Variants in TTL observed in about 807,000 individuals in gnomAD.
TTL encodes tubulin--tyrosine ligase.
TTL carries 10 observed loss-of-function variants against 41.1 expected under a neutral mutation model. The observed-to-expected ratio is 0.24, with a 90% CI of 0.15 to 0.41. The LOEUF is 0.41. TTL is among the 10% of genes least tolerant of loss of function. The probability of loss-of-function intolerance (pLI) is 1.00; values close to 1 mark genes in which losing one functional copy is unlikely to be tolerated. For synonymous variants in TTL, 175 were observed against 175.5 expected (o/e 1.00, Z 0.02); for missense variants, 367 against 460.4 (o/e 0.80, Z 1.86).
chr2:112,493,115 AT>A (rs1681434600), intron 2 of TTL, among the ~76,000 whole-genome samples: 1 of 152,152 alleles, frequency 6.6e-6, no homozygotes. Context: ...TTTAAAATAA[AT>A]TTGTTTTTAA....
At chr2:112,496,665 CTGTGTG>C (rs10635241) in intron 3 of TTL, among the ~76,000 whole-genome samples, 6,728 of 106,090 alleles carry the variant, frequency 0.063, 290 homozygotes, top group East Asian at 0.22. Context: ...ATATATGTGT[CTGTGTG>C]TGTGTGTGTG....
rs1489159340 is a variant in TTL, at chr2:112,528,819, G to T, written c.*24G>T. 1 of 1,571,942 alleles carries T rather than the reference G, an allele frequency of 6.4e-7. No individual in the cohort carries two copies. Among genetic ancestry groups the T allele is most frequent in the Non-Finnish European group, 8.8e-7 (1 of 1,141,692 alleles). ...GACAGAGGGCACTCCCTGCTGCCTT[G>T]GAAAAAGCACGGGGTCCTGCTCCAG... is the stretch of plus-strand genomic sequence containing the variant. On this transcript the variant is annotated 3_prime_UTR_variant, in exon 7 of 7. Transcript: ENST00000233336.
At chr2:112,524,235 A>T (rs1337452923) in intron 6 of TTL, among the ~76,000 whole-genome samples, 2 of 152,248 alleles carry the variant, frequency 1.3e-5, no homozygotes, top group Non-Finnish European at 2.9e-5. Flanking sequence ...TGCTATTGTG[A>T]ATAGTGCTAC....
Position 112,540,078 on chromosome 2 carries a change from T to C in TTL, c.*11283T>C, listed in dbSNP as rs1682682799. ...GAGATAATTATTGTTAGGATGAAAA[T>C]AGGCCCCAAATTGATCTACCAATTG... On this transcript the variant is annotated 3_prime_UTR_variant, in exon 7 of 7. Transcript: ENST00000233336. The C allele has an allele frequency of 6.6e-6, 1 of 152,076 alleles. No individual in the cohort carries two copies. The highest frequency in any genetic ancestry group is 2.4e-5 in the African/African-American group (1 of 41,396). 9.4% of individuals were successfully genotyped at this position (152,076 alleles called of 1,614,324 possible).
At chr2:112,491,757 G>A (rs1249424975) in intron 2 of TTL, among the ~76,000 whole-genome samples, 2 of 152,054 alleles carry the variant, frequency 1.3e-5, no homozygotes, top group Non-Finnish European at 2.9e-5. Flanking sequence ...AGTTTATTAT[G>A]TATTTGCTAA....
chr2:112,503,805 C>CTTTTTTTTTT (rs70963002), intron 5 of TTL, among the ~76,000 whole-genome samples: 4 of 102,544 alleles, frequency 3.9e-5, no homozygotes, highest in African/African-American at 3.8e-5. Flanking sequence ...CCGTAAACTT[C>CTTTTTTTTTT]TTTTTTTTTT....
intron 2 of TTL, among the ~76,000 whole-genome samples, chr2:112,487,823 T>A (rs1257526611): frequency 6.6e-6 from 1 of 152,186 alleles, no homozygotes; most frequent in Middle Eastern, 3.2e-3. Flanking sequence ...TTGCAGTAAT[T>A]CCAGGATATG....
At chr2:112,483,135 C>T (rs1487453483) in intron 1 of TTL, 1 of 152,264 alleles carries the variant, frequency 6.6e-6, no homozygotes, top group Non-Finnish European at 1.5e-5. Flanking sequence ...AATGTGTTTT[C>T]GCAGTTCTGC....
chr2:112,496,467 G>A (rs539068833), intron 3 of TTL, among the ~76,000 whole-genome samples: 2 of 152,126 alleles, frequency 1.3e-5, no homozygotes, highest in South Asian at 2.1e-4. Context: ...TGTTTACCAT[G>A]TCCACTGCCT....
chr2:112,515,475 G>A (rs1401585836), intron 5 of TTL, among the ~76,000 whole-genome samples: 4 of 152,012 alleles, frequency 2.6e-5, no homozygotes, highest in Admixed American at 2.6e-4. Context: ...TAGCATTAGT[G>A]TTCACTTACT....
intron 5 of TTL, among the ~76,000 whole-genome samples, chr2:112,503,658 C>CTT (rs1202499627): frequency 0.051 from 5,396 of 105,004 alleles, 197 homozygotes; most frequent in Non-Finnish European, 0.08. Flanking sequence ...GTCTTGAACT[C>CTT]TTTTTTTTTT....
rs1360007737 is a variant in TTL at position 112,503,059 on chromosome 2, G to T, written c.753G>T (p.Lys251Asn). The T allele has an allele frequency of 6.2e-7, 1 of 1,613,966 alleles. No individual in the cohort carries two copies. Among genetic ancestry groups the T allele is most frequent in the Admixed American group, 1.7e-5 (1 of 60,010 alleles). Reference sequence around the variant, plus strand: ...ACTGCATTCAAAAAGAGTATTCAAAGAACTACGGGAAGTATGAAGAAGGAA... The same window carrying T: ...ACTGCATTCAAAAAGAGTATTCAAATAACTACGGGAAGTATGAAGAAGGAA... Reference protein sequence around the residue: ...TNHCIQKEYSKNYGKYEEGNE... With the variant: ...TNHCIQKEYSNNYGKYEEGNE... Residue 251 changes from lysine (K) to asparagine (N), a missense_variant, in exon 5 of 7, where the codon AAG becomes AAT. Lys to Asn is a moderately conservative substitution (Grantham distance 94). Coordinates refer to ENST00000233336, the MANE Select transcript of TTL (RefSeq NM_153712.5).
In TTL at chr2:112,515,952, A is replaced by G. The variant is rs1405625803; in HGVS notation, c.876-4330A>G. 7.6e-3 allele frequency among the ~76,000 whole-genome samples: 10 copies of G among 1,320 alleles called. No individual in the cohort carries two copies. In the Non-Finnish European group the frequency reaches 0.093, roughly 12 times the overall value. 0.9% of individuals were successfully genotyped at this position (1,320 alleles called of 152,430 possible). A position where few individuals can be genotyped will look rare whatever the true frequency, so the allele number is the denominator to read the frequency against. Reference sequence around the variant, plus strand: ...ACACAGCGAGACTCCATCTCAGAATAAATAAATAAATAAATAAATAAATAA... The same window carrying G: ...ACACAGCGAGACTCCATCTCAGAATGAATAAATAAATAAATAAATAAATAA... On this transcript the variant is annotated intron_variant, in intron 5 of 6. Transcript: ENST00000233336.
At position 112,482,877 on chromosome 2, in the gene TTL, C is replaced by T. The variant is rs533619706; in HGVS notation, c.157+376C>T. ...CCGCGCTGGGCGCGGCTCCGCAGAGCGGGCGGCTGGAGTCATCTTTTGCAG... is the reference window on the plus strand; with the variant it reads ...CCGCGCTGGGCGCGGCTCCGCAGAGTGGGCGGCTGGAGTCATCTTTTGCAG... On this transcript the variant is annotated intron_variant, in intron 1 of 6. Transcript: ENST00000233336. The surrounding 1 kb of genome is among the most constrained non-coding windows in gnomAD (Gnocchi z 5.3). 1.3e-5 allele frequency among the ~76,000 whole-genome samples: 2 copies of T among 152,300 alleles called. No individual in the cohort carries two copies. The highest frequency in any genetic ancestry group is 2.9e-5 in the Non-Finnish European group (2 of 68,024).
At chr2:112,525,861 T>C (rs1237007810) in intron 6 of TTL, among the ~76,000 whole-genome samples, 1 of 152,218 alleles carries the variant, frequency 6.6e-6, no homozygotes, top group Non-Finnish European at 1.5e-5. Context: ...CCCTGTCTTG[T>C]GCCAGTTTTC....
chr2:112,537,035 A>G lies in TTL; in HGVS notation c.*8240A>G, dbSNP rs187504926. 56 of 152,398 alleles carry G rather than the reference A, an allele frequency of 3.7e-4. No homozygotes were observed. The highest frequency in any genetic ancestry group is 3.5e-3 in the Admixed American group (53 of 15,296). The allele number at this position is 152,398 out of a possible 1,614,324, so 9.4% of individuals were successfully genotyped here. ...TAGAATGAATTGTTTTCTTTTGGAT[A>G]TATACCCAGTAATGGGAGGCTATGT... On this transcript the variant is annotated 3_prime_UTR_variant, in exon 7 of 7. Transcript: ENST00000233336.
chr2:112,494,574 A>G (rs771431675), intron 3 of TTL, among the ~76,000 whole-genome samples, 199 bp downstream of exon 3: 20 of 152,184 alleles, frequency 1.3e-4, no homozygotes, highest in Non-Finnish European at 2.2e-4. Context: ...CTCTAGATCC[A>G]TTGACACCCT....
In TTL at chr2:112,520,329, C is replaced by A; in HGVS notation, c.923C>A (p.Pro308His). 1 of 1,614,170 alleles carries A rather than the reference C, an allele frequency of 6.2e-7. No individual in the cohort carries two copies. Among genetic ancestry groups the A allele is most frequent in the Non-Finnish European group, 8.5e-7 (1 of 1,180,038 alleles). ...VEPAISTKHLPYQSFQLFGFD... is the reference protein window; with the variant it reads ...VEPAISTKHLHYQSFQLFGFD... ...CCTGCCATTAGCACCAAGCACCTCC[C>A]TTACCAGAGCTTCCAGCTCTTCGGC... Residue 308 changes from proline (P) to histidine (H), a missense_variant, in exon 6 of 7, where the codon CCT (proline) becomes CAT (histidine). Coordinates refer to ENST00000233336, the MANE Select transcript of TTL (RefSeq NM_153712.5).
chr2:112,494,611 T>G (rs1311654292), intron 3 of TTL, among the ~76,000 whole-genome samples: 1 of 152,168 alleles, frequency 6.6e-6, no homozygotes, highest in Middle Eastern at 3.2e-3. Flanking sequence ...CATTTCAAAC[T>G]GAACACATCT....
Sources: allele counts gnomAD v4.1 joint callset (sites outside exome capture counted in the v4.1 genomes callset), GRCh38; gene constraint gnomAD v4.1.1; non-coding constraint Gnocchi (gnomAD v3.1); transcripts MANE v1.5; gene names NCBI Gene and HGNC (gene_info 2026-07-23, HGNC 2026-07-21).